ENPP6: variants seen among roughly 807,000 people sequenced by gnomAD.
ENPP6 encodes the protein glycerophosphocholine cholinephosphodiesterase ENPP6.
Under a neutral mutation model 42.0 loss-of-function variants are expected in ENPP6, and 32 were observed. The ratio of observed to expected loss-of-function variants is 0.76; its 90% CI spans 0.58 to 1.02. ENPP6 has a LOEUF of 1.02. Among genes scored for constraint, ENPP6 ranks in the 50% least tolerant of loss-of-function variants. ENPP6 has a pLI of 0.00. For missense variants in ENPP6, 552 were observed against 566.8 expected (o/e 0.97, Z 0.27); for synonymous variants, 213 against 216.0 (o/e 0.99, Z 0.12).
chr4:184,189,092 G>A (rs1359848906), intron 1 of ENPP6, among the ~76,000 whole-genome samples: 1 of 152,226 alleles, frequency 6.6e-6, no homozygotes, highest in Non-Finnish European at 1.5e-5. Flanking sequence ...TGCACACTAA[G>A]AGAGCTGGGC....
chr4:184,154,437 A>C (rs943558397), intron 1 of ENPP6, among the ~76,000 whole-genome samples: 4 of 152,194 alleles, frequency 2.6e-5, no homozygotes, highest in Non-Finnish European at 5.9e-5. Flanking sequence ...ACATCTTTAA[A>C]GTAAAAATAA....
chr4:184,120,662 T>C (rs1736400940), intron 3 of ENPP6, among the ~76,000 whole-genome samples: 1 of 152,206 alleles, frequency 6.6e-6, no homozygotes, highest in Admixed American at 6.5e-5. Flanking sequence ...TCACAAACCC[T>C]GCTTCCTTTT....
At chr4:184,091,418 C>G in intron 7 of ENPP6, 36 bp from the exon 8 acceptor site, 1 of 1,571,912 alleles carries the variant, frequency 6.4e-7, no homozygotes, top group Non-Finnish European at 8.7e-7. Flanking sequence ...GTTGTCATGG[C>G]AGCTCCAGGG....
chr4:184,104,057 G>A (rs1736049540), intron 6 of ENPP6, among the ~76,000 whole-genome samples: 1 of 151,834 alleles, frequency 6.6e-6, no homozygotes, highest in Non-Finnish European at 1.5e-5. Flanking sequence ...GTGCGCCCAG[G>A]CTGAGGAGGG....
chr4:184,207,685 A>C (rs1426595013), intron 1 of ENPP6, among the ~76,000 whole-genome samples: 1 of 152,102 alleles, frequency 6.6e-6, no homozygotes, highest in African/African-American at 2.4e-5. Flanking sequence ...GCTTTTTCAC[A>C]CTACTCCAAC....
chr4:184,113,898 CTTTTCTTTCTTT>C (rs1560981812), intron 5 of ENPP6, among the ~76,000 whole-genome samples: 1 of 122,738 alleles, frequency 8.1e-6, no homozygotes, highest in Non-Finnish European at 1.8e-5. Context: ...TCCTTTCTTT[CTTTTCTTTCTTT>C]CTTTCTTTCT....
chr4:184,101,008 G>A (rs533267054), intron 6 of ENPP6, among the ~76,000 whole-genome samples: 8 of 152,274 alleles, frequency 5.3e-5, no homozygotes, highest in African/African-American at 1.7e-4. Flanking sequence ...GTGGGTGCCC[G>A]AGCCTGAAGG....
intron 6 of ENPP6, among the ~76,000 whole-genome samples, chr4:184,111,340 C>G (rs768142564): frequency 1.6e-4 from 25 of 152,174 alleles, no homozygotes; most frequent in Non-Finnish European, 3.5e-4. Context: ...AAAGTTCAAA[C>G]AGTAAGCCCT....
At chr4:184,100,809 G>C (rs1344609525) in intron 6 of ENPP6, among the ~76,000 whole-genome samples, 1 of 152,234 alleles carries the variant, frequency 6.6e-6, no homozygotes, top group Non-Finnish European at 1.5e-5. Flanking sequence ...CATGATTTCA[G>C]GGCCGGTTTA....
intron 5 of ENPP6, 104 bp downstream of exon 5, chr4:184,116,752 A>G: frequency 6.9e-7 from 1 of 1,453,356 alleles, no homozygotes; most frequent in Non-Finnish European, 9.3e-7. Flanking sequence ...AAACAAACAC[A>G]CACACACAAA....
chr4:184,158,297 G>C (rs1737207165), intron 1 of ENPP6, among the ~76,000 whole-genome samples: 1 of 152,152 alleles, frequency 6.6e-6, no homozygotes, highest in Non-Finnish European at 1.5e-5. Context: ...TCTGAGTAAT[G>C]GGTATCGTAA....
intron 6 of ENPP6, among the ~76,000 whole-genome samples, chr4:184,106,422 G>A (rs966738539): frequency 6.6e-6 from 1 of 152,016 alleles, no homozygotes; most frequent in Admixed American, 6.5e-5. Context: ...TTGTTGCCAC[G>A]TCCCCTCTCC....
At chr4:184,146,534 A>G (rs745392831) in intron 2 of ENPP6, among the ~76,000 whole-genome samples, 14 of 152,252 alleles carry the variant, frequency 9.2e-5, no homozygotes, top group Non-Finnish European at 1.5e-4. Flanking sequence ...GTCAGAAATT[A>G]TAATGTTAAA....
At chr4:184,178,344 C>G (rs993371090) in intron 1 of ENPP6, among the ~76,000 whole-genome samples, 1 of 152,090 alleles carries the variant, frequency 6.6e-6, no homozygotes, top group Non-Finnish European at 1.5e-5. Flanking sequence ...AAGGAATGAG[C>G]AAAACCTCTG....
At chr4:184,206,280 C>T (rs1321763560) in intron 1 of ENPP6, among the ~76,000 whole-genome samples, 2 of 56,342 alleles carry the variant, frequency 3.5e-5, no homozygotes, top group Non-Finnish European at 5.6e-5. Context: ...TTTTTTGAGA[C>T]GGAGTCTCGC....
chr4:184,183,509 AC>A, intron 1 of ENPP6, among the ~76,000 whole-genome samples: 1 of 148,712 alleles, frequency 6.7e-6, no homozygotes, highest in Middle Eastern at 3.2e-3. Context: ...ATACACACAC[AC>A]ACACACACAT....
intron 2 of ENPP6, among the ~76,000 whole-genome samples, chr4:184,131,213 T>C (rs1481287438): frequency 0.064 from 6,302 of 98,944 alleles, 477 homozygotes; most frequent in Non-Finnish European, 0.083. Flanking sequence ...TCTTTCTTTC[T>C]TTCTTTTTCT....
At chr4:184,146,638 C>T (rs769244283) in intron 2 of ENPP6, among the ~76,000 whole-genome samples, 6 of 152,342 alleles carry the variant, frequency 3.9e-5, no homozygotes, top group Non-Finnish European at 5.9e-5. Flanking sequence ...TAAATGCTCA[C>T]GATGCCCACT....
intron 3 of ENPP6, among the ~76,000 whole-genome samples, chr4:184,121,636 A>G (rs4861602): frequency 0.7 from 106,406 of 151,484 alleles, 37,895 homozygotes; most frequent in African/African-American, 0.81. Flanking sequence ...TCCTCTTTCA[A>G]GGGTCTCTGA....
Sources: gnomAD v4.1 joint callset for allele counts (sites outside exome capture counted in the v4.1 genomes callset) on GRCh38, gnomAD v4.1.1 for gene constraint, MANE v1.5 for transcripts, NCBI Gene and HGNC (gene_info 2026-07-23, HGNC 2026-07-21) for gene names.